Variants in PRKN observed in about 807,000 individuals in gnomAD.
PRKN encodes parkin RBR E3 ubiquitin protein ligase.
PRKN carries 56 observed loss-of-function variants against 59.5 expected under a neutral mutation model. That is an observed-to-expected ratio of 0.94 (90% CI 0.76 to 1.18). PRKN has a LOEUF of 1.18. Among genes scored for constraint, PRKN ranks in the 50% most tolerant of loss-of-function variants. The pLI is 0.00. For synonymous variants in PRKN, 250 were observed against 222.1 expected (o/e 1.13, Z -1.12); for missense variants, 657 against 596.4 (o/e 1.10, Z -1.06).
intron 4 of PRKN, among the ~76,000 whole-genome samples, chr6:162,147,331 A>G (rs555584653): frequency 4.1e-5 from 6 of 144,806 alleles, no homozygotes; most frequent in South Asian, 4.5e-4. Context: ...TGACAGAGGA[A>G]GACTCTGTCT....
chr6:162,425,425 C>T (rs1228541554), intron 2 of PRKN, among the ~76,000 whole-genome samples: 1 of 152,052 alleles, frequency 6.6e-6, no homozygotes, highest in African/African-American at 2.4e-5. Flanking sequence ...ACCTAAGAAC[C>T]ACAGACACAG....
intron 6 of PRKN, among the ~76,000 whole-genome samples, chr6:161,921,476 G>A (rs1255424516): frequency 6.6e-6 from 1 of 152,150 alleles, no homozygotes; most frequent in Non-Finnish European, 1.5e-5. Context: ...ATTATGTACT[G>A]TACTTCATAT....
intron 6 of PRKN, among the ~76,000 whole-genome samples, chr6:161,819,058 A>C (rs1791911271): frequency 6.6e-6 from 1 of 152,240 alleles, no homozygotes; most frequent in East Asian, 1.9e-4. Flanking sequence ...CATTGCATTC[A>C]AACATTATAC....
intron 2 of PRKN, among the ~76,000 whole-genome samples, chr6:162,396,706 AG>A (rs1787494013): frequency 6.6e-6 from 1 of 152,198 alleles, no homozygotes; most frequent in Non-Finnish European, 1.5e-5. Context: ...GTGCTGATAA[AG>A]GCCAGTGTAA....
chr6:161,799,308 C>CTCAAGGAATGAATGACTA (rs1233361394), intron 6 of PRKN, among the ~76,000 whole-genome samples: 1 of 152,210 alleles, frequency 6.6e-6, no homozygotes, highest in Non-Finnish European at 1.5e-5. Flanking sequence ...GACAGTTTGA[C>CTCAAGGAATGAATGACTA]TCAAGGAATG....
At chr6:161,543,300 G>T (rs141825162) in intron 9 of PRKN, among the ~76,000 whole-genome samples, 1 of 152,124 alleles carries the variant, frequency 6.6e-6, no homozygotes, top group African/African-American at 2.4e-5. Flanking sequence ...ACATATACAC[G>T]TTTCTTTGCA....
Position 162,606,878 on chromosome 6 carries a change from AT to A in PRKN, c.7+120783del, listed in dbSNP as rs551992202. Among the ~76,000 whole-genome samples the A allele has an allele frequency of 3.2e-3, 493 of 152,108 alleles. 2 individuals carry two copies. The highest frequency in any genetic ancestry group is 0.011 in the African/African-American group (450 of 41,498). ...ATTGCATATGTCATCACGGCTGGCT[AT>A]TTTTTGTATTTTTAGTAGAGCCAGG... On this transcript the variant is annotated intron_variant, in intron 1 of 11. Coordinates refer to ENST00000366898, the MANE Select transcript of PRKN (RefSeq NM_004562.3).
chr6:161,436,996 C>G (rs1165646890), intron 9 of PRKN, among the ~76,000 whole-genome samples: 1 of 152,016 alleles, frequency 6.6e-6, no homozygotes, highest in Non-Finnish European at 1.5e-5. Context: ...ACAGTCACCC[C>G]CATTATCCAA....
chr6:161,807,301 G>A (rs75480120), intron 6 of PRKN, among the ~76,000 whole-genome samples: 3,650 of 152,030 alleles, frequency 0.024, 123 homozygotes, highest in African/African-American at 0.083. Flanking sequence ...ACAGATACAC[G>A]CATGCAAACA....
At chr6:161,860,360 G>T (rs1352504635) in intron 6 of PRKN, among the ~76,000 whole-genome samples, 1 of 152,174 alleles carries the variant, frequency 6.6e-6, no homozygotes, top group Non-Finnish European at 1.5e-5. Flanking sequence ...GGAAATCCAT[G>T]TATGCATGCA....
intron 7 of PRKN, among the ~76,000 whole-genome samples, chr6:161,734,142 C>T (rs1333386617): frequency 1.3e-5 from 2 of 152,050 alleles, no homozygotes; most frequent in African/African-American, 2.4e-5. Context: ...CATGTGCAAG[C>T]CATGTTTGTT....
At chr6:162,016,596 G>A (rs1226051772) in intron 5 of PRKN, among the ~76,000 whole-genome samples, 1 of 152,040 alleles carries the variant, frequency 6.6e-6, no homozygotes, top group Non-Finnish European at 1.5e-5. Flanking sequence ...CTAGAAGTAG[G>A]GTATTAGATC....
intron 1 of PRKN, among the ~76,000 whole-genome samples, chr6:162,481,652 G>A (rs753619480): frequency 9.2e-5 from 14 of 152,140 alleles, no homozygotes; most frequent in Non-Finnish European, 1.9e-4. Context: ...AAAATGAAGA[G>A]TGCAGCTCCA....
chr6:162,657,265 T>C (rs781284119), intron 1 of PRKN, among the ~76,000 whole-genome samples: 18 of 152,304 alleles, frequency 1.2e-4, no homozygotes, highest in Middle Eastern at 6.8e-3. Flanking sequence ...AACAGACATA[T>C]TTTGTATATT....
At chr6:162,702,590 T>C (rs1201568944) in intron 1 of PRKN, among the ~76,000 whole-genome samples, 1 of 152,220 alleles carries the variant, frequency 6.6e-6, no homozygotes, top group Admixed American at 6.5e-5. Context: ...CTAATCATAT[T>C]CATCTCCTAA....
chr6:161,535,035 A>G (rs566336077), intron 9 of PRKN, among the ~76,000 whole-genome samples: 6 of 152,368 alleles, frequency 3.9e-5, no homozygotes, highest in East Asian at 1.9e-4. Context: ...TCTGTGGTAC[A>G]TGTGGTTCTA....
rs1267684421 is a variant in PRKN, at chr6:161,459,950, A to C, written c.1084-73073T>G. 1.3e-5 allele frequency among the ~76,000 whole-genome samples: 2 copies of C among 152,194 alleles called. No individual in the cohort carries two copies. Among genetic ancestry groups the C allele is most frequent in the Non-Finnish European group, 2.9e-5 (2 of 68,040 alleles). On this transcript the variant is annotated intron_variant, in intron 9 of 11. Transcript: ENST00000366898. The surrounding 1 kb of genome is among the most constrained non-coding windows in gnomAD (Gnocchi z 4.8). ...AAATGGCTGTTGATATTTTGTAAAA[A>C]AAAAAATCTATTTATCCATCAAATC...
chr6:161,480,150 G>A lies in PRKN; in HGVS notation c.1083+68704C>T, dbSNP rs1243597825. Among the ~76,000 whole-genome samples the A allele has an allele frequency of 6.6e-6, 1 of 152,174 alleles. No homozygotes were observed. Among genetic ancestry groups the A allele is most frequent in the Non-Finnish European group, 1.5e-5 (1 of 68,036 alleles). ...TGTTGGGTGAAGCCACTGAGATTTT[G>A]GAGTATTTATTATCACTGCAGCGTT... On this transcript the variant is annotated intron_variant, in intron 9 of 11. Transcript: ENST00000366898. The surrounding 1 kb of genome is among the most constrained non-coding windows in gnomAD (Gnocchi z 4.1).
At chr6:162,727,067 A>C (rs1453477229) in intron 1 of PRKN, 2 of 152,150 alleles carry the variant, frequency 1.3e-5, no homozygotes, top group Non-Finnish European at 2.9e-5. Context: ...ATTTACTCTT[A>C]ATGTTTCTTT....
Sources: gnomAD v4.1 joint callset for allele counts (sites outside exome capture counted in the v4.1 genomes callset) on GRCh38, gnomAD v4.1.1 for gene constraint, Gnocchi (gnomAD v3.1) non-coding constraint, MANE v1.5 for transcripts, NCBI Gene and HGNC (gene_info 2026-07-23, HGNC 2026-07-21) for gene names.